Variants in SRSF7 observed in about 807,000 individuals in gnomAD.
The protein encoded by SRSF7 is serine and arginine rich splicing factor 7.
Under a neutral mutation model 42.2 loss-of-function variants are expected in SRSF7, and 15 were observed. The ratio of observed to expected loss-of-function variants is 0.36; its 90% CI spans 0.24 to 0.55. The LOEUF (loss-of-function observed/expected upper bound fraction) is 0.55, where lower values mean the gene tolerates loss of function less well. Ranked by LOEUF, SRSF7 falls within the 20% of genes least tolerant of loss-of-function variation. SRSF7 has a pLI of 0.88. For missense variants in SRSF7, 181 were observed against 305.9 expected (o/e 0.59, Z 3.04); for synonymous variants, 138 against 107.9 (o/e 1.28, Z -1.73).
At position 38,749,996 on chromosome 2, in the gene SRSF7, T is replaced by G; in HGVS notation, c.209+18A>C. Reference sequence around the variant, plus strand: ...CAGTATATTTTAATGAACAGAAGATTCATAACATCTTACTTACTTTCCATC... The same window carrying G: ...CAGTATATTTTAATGAACAGAAGATGCATAACATCTTACTTACTTTCCATC... On this transcript the variant is annotated intron_variant, in intron 2 of 7. Coordinates refer to ENST00000313117, the MANE Select transcript of SRSF7 (RefSeq NM_001031684.3). 6.3e-7 allele frequency: 1 copy of G among 1,594,288 alleles called. No individual in the cohort carries two copies. Among genetic ancestry groups the G allele is most frequent in the Non-Finnish European group, 8.5e-7 (1 of 1,171,800 alleles).
In SRSF7 at chr2:38,746,717, C is replaced by T; in HGVS notation, c.603G>A (p.Arg201=). The stretch of plus-strand genomic sequence containing the variant: ...ACCTGCTTCTTGGTCGTGAAATAGA[C>T]CTGGATCTTGATCTTGACCTCGACG... ...QSPSRSRSRS[R]SISRPRSSRS... Residue 201 remains arginine (R), a synonymous_variant, in exon 6 of 8, where the codon AGG becomes AGA. Coordinates refer to ENST00000313117, the MANE Select transcript of SRSF7 (RefSeq NM_001031684.3). 1.6e-4 allele frequency: 255 copies of T among 1,613,724 alleles called. 2 individuals are homozygous for T. In the Middle Eastern group the frequency reaches 2.1e-3, roughly 14 times the overall value.
chr2:38,743,887 G>T lies in SRSF7; in HGVS notation c.*1246C>A. 1.5e-5 allele frequency: 2 copies of T among 136,070 alleles called. No individual in the cohort carries two copies. The highest frequency in any genetic ancestry group is 1.5e-4 in the Admixed American group (2 of 13,158). 8.4% of individuals were successfully genotyped at this position (136,070 alleles called of 1,614,324 possible). A position where few individuals can be genotyped will look rare whatever the true frequency, so the allele number is the denominator to read the frequency against. ...AAAATGGACAAGCCTAGGTATCTGC[G>T]CAACCAGCAGGTTTTTTTTTTTTTG... On this transcript the variant is annotated 3_prime_UTR_variant, in exon 8 of 8. Transcript: ENST00000313117.
intron 1 of SRSF7, among the ~76,000 whole-genome samples, chr2:38,750,649 C>T (rs1353323188): frequency 6.6e-6 from 1 of 151,916 alleles, no homozygotes; most frequent in Non-Finnish European, 1.5e-5. Context: ...TCGCCCAAGA[C>T]TCCAGCTCCC....
At chr2:38,750,343 G>A in intron 1 of SRSF7, 149 bp from the exon 2 acceptor site, 1 of 631,880 alleles carries the variant, frequency 1.6e-6, no homozygotes, top group Non-Finnish European at 2.6e-6. Flanking sequence ...TCGTAAAACT[G>A]GTGAAAGTCC....
In SRSF7 at chr2:38,745,180, G is replaced by C; in HGVS notation, c.670C>G (p.Pro224Ala). 9.9e-6 allele frequency: 16 copies of C among 1,613,936 alleles called. No individual in the cohort carries two copies. The highest frequency in any genetic ancestry group is 1.2e-5 in the Non-Finnish European group (14 of 1,179,964). Residue 224 changes from proline (P) to alanine (A), a missense_variant, in exon 8 of 8, where the codon CCA (proline) becomes GCA (alanine). Transcript: ENST00000313117. ...RSPSPKRSRS[P>A]SGSPRRSASP... is the part of the protein sequence containing the mutation. ...GCACTTCTGCGAGGACTTCCTGATGGGGAACGACTAAAAAGAAAAACATTA... is the reference window on the plus strand; with the variant it reads ...GCACTTCTGCGAGGACTTCCTGATGCGGAACGACTAAAAAGAAAAACATTA...
chr2:38,746,797 T>C (rs1419781904), intron 5 of SRSF7, 50 bp from the exon 6 acceptor site: 3 of 1,606,114 alleles, frequency 1.9e-6, no homozygotes, highest in Admixed American at 3.4e-5. Context: ...TCCAAAGGAA[T>C]TTCCTTAACT....
Position 38,745,154 on chromosome 2 carries a change from T to G in SRSF7, c.696A>C (p.Ala232=). The change falls in exon 8 of 8, where the codon GCA becomes GCC. Residue 232 remains alanine (A), a synonymous_variant. Coordinates refer to ENST00000313117, the MANE Select transcript of SRSF7 (RefSeq NM_001031684.3). ...RSPSGSPRRS[A]SPERMD ...AGCTTCAGTCCATTCTTTCAGGACT[T>G]GCACTTCTGCGAGGACTTCCTGATG... 6.2e-7 allele frequency: 1 copy of G among 1,614,188 alleles called. No homozygotes were observed. The highest frequency in any genetic ancestry group is 1.1e-5 in the South Asian group (1 of 91,086).
In SRSF7 at chr2:38,746,218, T is replaced by C. The variant is rs372500115; in HGVS notation, c.627-39A>G. On this transcript the variant is annotated intron_variant, in intron 6 of 7. Coordinates refer to ENST00000313117, the MANE Select transcript of SRSF7 (RefSeq NM_001031684.3). ...AGAAATTCTATTAAAGAAAGAGTAC[T>C]AACCAATCCCTTTCTTGTAGTCACC... The C allele has an allele frequency of 4.2e-5, 68 of 1,608,586 alleles. No homozygotes were observed. The African/African-American group carries it at 8.3e-4, about 20-fold the overall frequency.
Position 38,743,902 on chromosome 2 carries a change from T to C in SRSF7, c.*1231A>G. 6.6e-6 allele frequency: 1 copy of C among 151,694 alleles called. No individual in the cohort carries two copies. Among genetic ancestry groups the C allele is most frequent in the Non-Finnish European group, 1.5e-5 (1 of 67,810 alleles). 9.4% of individuals were successfully genotyped at this position (151,694 alleles called of 1,614,324 possible). On this transcript the variant is annotated 3_prime_UTR_variant, in exon 8 of 8. Transcript: ENST00000313117. ...AGGTATCTGCGCAACCAGCAGGTTT[T>C]TTTTTTTTTGTACCAAGGCTAGAGA...
chr2:38,745,657 GAAA>G (rs909989473), intron 7 of SRSF7, among the ~76,000 whole-genome samples: 167 of 140,118 alleles, frequency 1.2e-3, no homozygotes, highest in Non-Finnish European at 2.1e-3. Flanking sequence ...CTCCATCCCA[GAAA>G]AAAAAAAAAA....
At chr2:38,749,786 ACT>A in intron 2 of SRSF7, 81 bp from the exon 3 acceptor site, 1 of 1,399,534 alleles carries the variant, frequency 7.1e-7, no homozygotes. Flanking sequence ...CTTTCCAACC[ACT>A]CACTCTTTCC....
At chr2:38,749,263 T>G (rs776632889) in intron 3 of SRSF7, 1 of 1,412,638 alleles carries the variant, frequency 7.1e-7, no homozygotes. Flanking sequence ...AGGATCTTAA[T>G]TGTCGGATTT....
intron 5 of SRSF7, 24 bp from the exon 6 acceptor site, chr2:38,746,771 C>T (rs371216090): frequency 1.3e-5 from 21 of 1,612,708 alleles, no homozygotes; most frequent in African/African-American, 2.7e-5. Context: ...GTGAAAAACA[C>T]AATTATATCA....
chr2:38,746,040 C>A, intron 7 of SRSF7, 104 bp downstream of exon 7: 1 of 1,162,660 alleles, frequency 8.6e-7, no homozygotes, highest in Non-Finnish European at 1.3e-6. Context: ...ATCTATATAG[C>A]ACCAATTCTC....
At chr2:38,746,581 C>T (rs979350927) in intron 6 of SRSF7, 113 bp downstream of exon 6, 3 of 1,508,328 alleles carry the variant, frequency 2.0e-6, no homozygotes, top group Non-Finnish European at 2.7e-6. Context: ...TGTGTTCCCA[C>T]TAAAACCTAA....
intron 7 of SRSF7, among the ~76,000 whole-genome samples, chr2:38,745,561 A>G (rs1486272323): frequency 7.9e-5 from 12 of 152,108 alleles, no homozygotes; most frequent in Non-Finnish European, 1.5e-5. Flanking sequence ...AGGCTGAGAC[A>G]GGATAATTGC....
At chr2:38,751,072 G>A (rs548848744) in intron 1 of SRSF7, 157 bp downstream of exon 1, 27 of 923,144 alleles carry the variant, frequency 2.9e-5, no homozygotes, top group Middle Eastern at 4.3e-4. Context: ...TCTCCCTTCA[G>A]CACCCCGCCT....
intron 7 of SRSF7, 27 bp from the exon 8 acceptor site, chr2:38,745,214 T>C (rs1345416016): frequency 2.5e-6 from 4 of 1,613,178 alleles, no homozygotes; most frequent in East Asian, 2.2e-5. Context: ...TAGGTTTGGA[T>C]CCAATTAGTG....
intron 1 of SRSF7, among the ~76,000 whole-genome samples, chr2:38,750,566 C>A (rs1044813346): frequency 4.6e-5 from 7 of 151,644 alleles, no homozygotes; most frequent in Admixed American, 2.0e-4. Flanking sequence ...GGGAGGGCCT[C>A]GGTAGGGGCC....
Sources: allele counts gnomAD v4.1 joint callset (sites outside exome capture counted in the v4.1 genomes callset), GRCh38; gene constraint gnomAD v4.1.1; transcripts MANE v1.5; gene names NCBI Gene and HGNC (gene_info 2026-07-23, HGNC 2026-07-21).